Variants in AGBL1 observed in about 807,000 individuals in gnomAD.
The protein encoded by AGBL1 is cytosolic carboxypeptidase 4.
In AGBL1, 130 loss-of-function variants were observed where a neutral mutation model predicts 118.9. That is an observed-to-expected ratio of 1.09 (90% CI 0.95 to 1.26). AGBL1 has a LOEUF of 1.26. Ranked by LOEUF, AGBL1 falls within the 50% of genes most tolerant of loss-of-function variation. The pLI is 0.00. For synonymous variants in AGBL1, 555 were observed against 478.9 expected, an observed-to-expected ratio of 1.16 and a Z score of -2.08; for missense variants, 1,584 against 1,298.1, an observed-to-expected ratio of 1.22 and a Z score of -3.38.
intron 18 of AGBL1, among the ~76,000 whole-genome samples, chr15:86,515,605 C>A (rs1029369071): frequency 3.3e-5 from 5 of 152,000 alleles, no homozygotes; most frequent in Non-Finnish European, 5.9e-5. Flanking sequence ...AAATAAATGA[C>A]CCTTAGTTTT....
downstream of AGBL1, among the ~76,000 whole-genome samples, chr15:86,917,638 T>C (rs756779744): frequency 6.6e-6 from 1 of 152,144 alleles, no homozygotes; most frequent in African/African-American, 2.4e-5. This position sits in a 1 kb window ranked among gnomAD's most constrained non-coding sequence, Gnocchi z 4.8. Context: ...TCAAAGCAGT[T>C]GGAGACTTCC....
rs2141598298 is a variant in AGBL1 at position 86,910,000 on chromosome 15, A to T, written c.*2706A>T. 1 of 152,352 alleles carries T rather than the reference A, an allele frequency of 6.6e-6. No individual in the cohort carries two copies. Among genetic ancestry groups the T allele is most frequent in the East Asian group, 1.9e-4 (1 of 5,184 alleles). 9.4% of individuals were successfully genotyped at this position (152,352 alleles called of 1,614,324 possible). On this transcript the variant is annotated 3_prime_UTR_variant, in exon 23 of 23. Transcript: ENST00000614907. Reference sequence around the variant, plus strand: ...TCATGCACTTTACTAAGCTCTACGGATGCAGATAAGAAAGACCTATTTTGT... The same window carrying T: ...TCATGCACTTTACTAAGCTCTACGGTTGCAGATAAGAAAGACCTATTTTGT...
At chr15:86,267,450 G>T (rs919607898) in intron 13 of AGBL1, among the ~76,000 whole-genome samples, 2 of 152,202 alleles carry the variant, frequency 1.3e-5, no homozygotes, top group Non-Finnish European at 2.9e-5. Flanking sequence ...GGCTGATTCT[G>T]TTGAAGGGAA....
chr15:86,516,601 A>C (rs772591849), intron 18 of AGBL1, among the ~76,000 whole-genome samples: 4 of 152,136 alleles, frequency 2.6e-5, no homozygotes, highest in Admixed American at 6.5e-5. Context: ...GGAGTTTGAG[A>C]CCAGCCTGGT....
chr15:86,498,772 C>G (rs1240798010), intron 18 of AGBL1, among the ~76,000 whole-genome samples: 1 of 151,838 alleles, frequency 6.6e-6, no homozygotes, highest in Admixed American at 6.6e-5. Flanking sequence ...CCATATTTGA[C>G]ATTTTATATA....
chr15:86,253,878 A>G (rs2078855185), intron 7 of AGBL1, among the ~76,000 whole-genome samples: 1 of 152,134 alleles, frequency 6.6e-6, no homozygotes, highest in African/African-American at 2.4e-5. Context: ...GAAAAATTGA[A>G]ACTCTATACC....
intron 22 of AGBL1, among the ~76,000 whole-genome samples, chr15:86,738,359 G>A (rs1213563778): frequency 6.6e-6 from 1 of 151,898 alleles, no homozygotes; most frequent in Non-Finnish European, 1.5e-5. Flanking sequence ...GTTCAACGCA[G>A]TACTGGAAAT....
At chr15:86,450,199 A>G (rs756618672) in intron 18 of AGBL1, among the ~76,000 whole-genome samples, 6 of 152,142 alleles carry the variant, frequency 3.9e-5, no homozygotes, top group Non-Finnish European at 8.8e-5. Flanking sequence ...CCATTTAATG[A>G]TGGATTTGAC....
At position 86,827,938 on chromosome 15, in the gene AGBL1, C is replaced by CTTTTTTTTTTTTTTT. The variant is rs71144074; in HGVS notation, c.3159-79143_3159-79129dup. On this transcript the variant is annotated intron_variant, in intron 22 of 22. Coordinates refer to ENST00000614907, the MANE Select transcript of AGBL1 (RefSeq NM_001386094.1). ...ATAGTCTCTGGCACTTGATGTAGGGCTTTTTTTTTTTTTTTTTTTTGAGAC... is the reference window on the plus strand; with the variant it reads ...ATAGTCTCTGGCACTTGATGTAGGGCTTTTTTTTTTTTTTTTTTTTTTTTTTTTTTTTTTTGAGAC... Among the ~76,000 whole-genome samples the CTTTTTTTTTTTTTTT allele has an allele frequency of 1.1e-3, 18 of 16,762 alleles. 4 individuals are homozygous for CTTTTTTTTTTTTTTT. Among genetic ancestry groups the CTTTTTTTTTTTTTTT allele is most frequent in the South Asian group, 2.7e-3 (1 of 372 alleles). 11.0% of individuals were successfully genotyped at this position (16,762 alleles called of 152,430 possible). A position where few individuals can be genotyped will look rare whatever the true frequency, so the allele number is the denominator to read the frequency against.
At chr15:86,334,658 C>A (rs2080330630) in intron 17 of AGBL1, among the ~76,000 whole-genome samples, 1 of 148,210 alleles carries the variant, frequency 6.7e-6, no homozygotes. Flanking sequence ...GAAAAAAAAA[C>A]TATTCTAAAA....
At chr15:86,129,831 G>T (rs1231657799) in intron 1 of AGBL1, among the ~76,000 whole-genome samples, 1 of 152,174 alleles carries the variant, frequency 6.6e-6, no homozygotes, top group Non-Finnish European at 1.5e-5. Flanking sequence ...TGAGAAGATA[G>T]TTAACACAGT....
chr15:86,129,351 T>G (rs1339007866), intron 1 of AGBL1, among the ~76,000 whole-genome samples: 3 of 152,090 alleles, frequency 2.0e-5, no homozygotes, highest in Non-Finnish European at 2.9e-5. Flanking sequence ...TGGCTTTGAG[T>G]GAAAATGGAA....
chr15:86,261,371 G>A (rs188828643), intron 9 of AGBL1, among the ~76,000 whole-genome samples: 1 of 152,264 alleles, frequency 6.6e-6, no homozygotes, highest in East Asian at 1.9e-4. Flanking sequence ...AAGAGTGGGG[G>A]CCATGGAGTT....
At chr15:86,410,975 G>T (rs995285073) in intron 18 of AGBL1, among the ~76,000 whole-genome samples, 5 of 128,342 alleles carry the variant, frequency 3.9e-5, no homozygotes, top group Admixed American at 1.8e-4. Context: ...TTAAAGTTTT[G>T]GTTATCCTTT....
chr15:86,561,964 T>C (rs898899151), intron 21 of AGBL1, among the ~76,000 whole-genome samples: 5 of 152,302 alleles, frequency 3.3e-5, no homozygotes, highest in African/African-American at 1.2e-4. Flanking sequence ...TTGTCTGTTA[T>C]TGGTGTATAA....
At chr15:86,410,841 T>TATAAATATATAA (rs67883935) in intron 18 of AGBL1, among the ~76,000 whole-genome samples, 1 of 64,568 alleles carries the variant, frequency 1.5e-5, no homozygotes, top group African/African-American at 6.7e-5. Flanking sequence ...TATATATATA[T>TATAAATATATAA]AATATACTAT....
intron 5 of AGBL1, among the ~76,000 whole-genome samples, chr15:86,175,746 T>G (rs1239253619): frequency 6.6e-6 from 1 of 152,206 alleles, no homozygotes; most frequent in African/African-American, 2.4e-5. Context: ...CTCAGTGTCT[T>G]CCTTGACTCA....
chr15:87,001,857 T>C (rs2081441987), intron 24 of AGBL1, among the ~76,000 whole-genome samples: 1 of 152,122 alleles, frequency 6.6e-6, no homozygotes, highest in African/African-American at 2.4e-5. Context: ...TTTGAGTTCT[T>C]TGTAGATTCT....
chr15:86,827,806 C>A (rs2079049636), intron 22 of AGBL1, among the ~76,000 whole-genome samples: 1 of 149,824 alleles, frequency 6.7e-6, no homozygotes, highest in Non-Finnish European at 1.5e-5. Flanking sequence ...CTAGATCCTG[C>A]AAAAGCCAGG....
Sources: gnomAD v4.1 joint callset for allele counts (sites outside exome capture counted in the v4.1 genomes callset) on GRCh38, gnomAD v4.1.1 for gene constraint, Gnocchi (gnomAD v3.1) non-coding constraint, MANE v1.5 for transcripts, NCBI Gene and HGNC (gene_info 2026-07-23, HGNC 2026-07-21) for gene names.